GSTO2: variants seen among roughly 807,000 people sequenced by gnomAD.
GSTO2 encodes glutathione S-transferase omega-2.
GSTO2 carries 23 observed loss-of-function variants against 28.4 expected under a neutral mutation model. The observed-to-expected ratio is 0.81, with a 90% CI of 0.58 to 1.15. GSTO2 has a LOEUF of 1.15. Ranked by LOEUF, GSTO2 falls within the 50% of genes most tolerant of loss-of-function variation. GSTO2 has a pLI of 0.00. For synonymous variants in GSTO2, 109 were observed against 111.0 expected (o/e 0.98, Z 0.11); for missense variants, 298 against 297.8 (o/e 1.00, Z 0.00).
intron 5 of GSTO2, chr10:104,295,237 C>T (rs1461269187): frequency 6.6e-6 from 1 of 152,190 alleles, no homozygotes; most frequent in Non-Finnish European, 1.5e-5. Context: ...CTATAAATAG[C>T]TTCTGTTTTG....
intron 6 of GSTO2, among the ~76,000 whole-genome samples, chr10:104,297,914 C>G (rs751183820): frequency 6.6e-6 from 1 of 152,170 alleles, no homozygotes; most frequent in Admixed American, 6.5e-5. Context: ...GCCCAGGAGC[C>G]TCCCGCAGAC....
intron 5 of GSTO2, chr10:104,291,759 G>A (rs1253563353): frequency 6.6e-6 from 1 of 152,154 alleles, no homozygotes; most frequent in African/African-American, 2.4e-5. Context: ...CATTTGCATC[G>A]CGTCCGTAGT....
chr10:104,290,914 G>A (rs1387341006), intron 5 of GSTO2, among the ~76,000 whole-genome samples: 1 of 152,184 alleles, frequency 6.6e-6, no homozygotes, highest in Non-Finnish European at 1.5e-5. Context: ...GTTTGTAATT[G>A]AAAGGATAAA....
At chr10:104,274,247 A>G (rs1589855212) in intron 1 of GSTO2, among the ~76,000 whole-genome samples, 2 of 152,262 alleles carry the variant, frequency 1.3e-5, no homozygotes, top group East Asian at 3.9e-4. Flanking sequence ...CTTGGGTAAA[A>G]TCTCACAAGT....
Position 104,277,950 on chromosome 10 carries a change from A to T in GSTO2, c.200A>T (p.His67Leu). ...RNKPEWYYTK[H>L]PFGHIPVLET... ...AAGCCTGAATGGTACTATACAAAGC[A>T]CCCTTTTGGCCACATTCCTGTCCTG... The change falls in exon 4 of 7, where the codon CAC becomes CTC. Residue 67 changes from histidine (H) to leucine (L), a missense_variant. Coordinates refer to ENST00000338595, the MANE Select transcript of GSTO2 (RefSeq NM_183239.2). 1 of 1,614,028 alleles carries T rather than the reference A, an allele frequency of 6.2e-7. No individual in the cohort carries two copies. Among genetic ancestry groups the T allele is most frequent in the Non-Finnish European group, 8.5e-7 (1 of 1,179,970 alleles).
chr10:104,282,250 A>T (rs1471255183), intron 5 of GSTO2, among the ~76,000 whole-genome samples: 1 of 150,530 alleles, frequency 6.6e-6, no homozygotes, highest in African/African-American at 2.4e-5. Context: ...AAAAGAAAAG[A>T]AAAGAAAAAG....
intron 1 of GSTO2, among the ~76,000 whole-genome samples, chr10:104,274,086 A>T (rs637008): frequency 0.012 from 1,858 of 152,362 alleles, 27 homozygotes; most frequent in African/African-American, 0.043. Flanking sequence ...AAAGCTGTGC[A>T]AGTCGCCCCT....
intron 2 of GSTO2, 78 bp downstream of exon 2, chr10:104,275,027 C>T: frequency 6.5e-7 from 1 of 1,538,546 alleles, no homozygotes; most frequent in South Asian, 1.2e-5. Context: ...GCTGCCTGGC[C>T]TTGGCCTGCA....
chr10:104,290,879 ATAACT>A (rs916033717), intron 5 of GSTO2, among the ~76,000 whole-genome samples: 45 of 152,356 alleles, frequency 3.0e-4, no homozygotes, highest in African/African-American at 1.0e-3. Context: ...ACATTTAAAA[ATAACT>A]TAAACAGTGT....
chr10:104,304,242 G>C lies in GSTO2; in HGVS notation c.*4958G>C, dbSNP rs375300665. ...ATCTTCTTCTTTGAGTGCCTGGAAG[G>C]CTGAACATTTGATCTTTTCAAACAT... On this transcript the variant is annotated 3_prime_UTR_variant, in exon 7 of 7. Transcript: ENST00000338595. 6.6e-6 allele frequency: 1 copy of C among 152,228 alleles called. No homozygotes were observed. Among genetic ancestry groups the C allele is most frequent in the Non-Finnish European group, 1.5e-5 (1 of 68,068 alleles). 9.4% of individuals were successfully genotyped at this position (152,228 alleles called of 1,614,324 possible). A position where few individuals can be genotyped will look rare whatever the true frequency, so the allele number is the denominator to read the frequency against.
chr10:104,276,558 A>G (rs2011642669), intron 3 of GSTO2, among the ~76,000 whole-genome samples: 1 of 152,196 alleles, frequency 6.6e-6, no homozygotes. Context: ...TTCAGTTGTG[A>G]CAACAAAACC....
chr10:104,280,233 A>G (rs2011952778), intron 5 of GSTO2, among the ~76,000 whole-genome samples: 1 of 149,186 alleles, frequency 6.7e-6, no homozygotes, highest in Admixed American at 6.7e-5. Context: ...TGGCTTCTTC[A>G]TGACATTATC....
At position 104,300,577 on chromosome 10, in the gene GSTO2, C is replaced by T. The variant is rs1040015526; in HGVS notation, c.*1293C>T. 6.6e-6 allele frequency: 1 copy of T among 152,334 alleles called. No individual in the cohort carries two copies. Among genetic ancestry groups the T allele is most frequent in the Non-Finnish European group, 1.5e-5 (1 of 68,122 alleles). 9.4% of individuals were successfully genotyped at this position (152,334 alleles called of 1,614,324 possible). On this transcript the variant is annotated 3_prime_UTR_variant, in exon 7 of 7. Coordinates refer to ENST00000338595, the MANE Select transcript of GSTO2 (RefSeq NM_183239.2). ...CCACCCCACTGAAGACAGCAAAGAG[C>T]TGAGGATGGCTGGTGCCAACAGGTC...
rs1287156782 is a variant in GSTO2 at position 104,302,758 on chromosome 10, G to A, written c.*3474G>A. The A allele has an allele frequency of 6.6e-6, 1 of 152,140 alleles. No individual in the cohort carries two copies. Among genetic ancestry groups the A allele is most frequent in the African/African-American group, 2.4e-5 (1 of 41,416 alleles). 9.4% of individuals were successfully genotyped at this position (152,140 alleles called of 1,614,324 possible). A position where few individuals can be genotyped will look rare whatever the true frequency, so the allele number is the denominator to read the frequency against. On this transcript the variant is annotated 3_prime_UTR_variant, in exon 7 of 7. Transcript: ENST00000338595. The stretch of plus-strand genomic sequence containing the variant: ...CATGATAGTGAGTGAGTTCTCATGA[G>A]TTCTGGTTGTTTAAAAGTGTGCAGC...
intron 5 of GSTO2, 97 bp downstream of exon 5, chr10:104,279,568 TC>T: frequency 1.3e-6 from 1 of 748,626 alleles, no homozygotes; most frequent in Non-Finnish European, 2.3e-6. Flanking sequence ...ACAGGCTTAT[TC>T]TTTCTGCCTT....
intron 3 of GSTO2, among the ~76,000 whole-genome samples, chr10:104,276,219 G>A (rs1369179601): frequency 6.6e-6 from 1 of 152,214 alleles, no homozygotes; most frequent in Non-Finnish European, 1.5e-5. Context: ...ATAAAATTAT[G>A]TAAATCTGCC....
chr10:104,284,149 C>G (rs1189333210), intron 5 of GSTO2, among the ~76,000 whole-genome samples: 1 of 151,834 alleles, frequency 6.6e-6, no homozygotes, highest in Non-Finnish European at 1.5e-5. Context: ...CATTTTAATC[C>G]AGGAGTCCGA....
intron 5 of GSTO2, among the ~76,000 whole-genome samples, chr10:104,281,925 G>A (rs1209898250): frequency 6.6e-6 from 1 of 152,072 alleles, no homozygotes; most frequent in Non-Finnish European, 1.5e-5. Context: ...TGAGAGCCTG[G>A]TGTGTTCGGC....
At chr10:104,284,752 TC>T (rs1270973487) in intron 5 of GSTO2, among the ~76,000 whole-genome samples, 2 of 152,196 alleles carry the variant, frequency 1.3e-5, no homozygotes, top group Non-Finnish European at 2.9e-5. Flanking sequence ...ATCTGTGCCT[TC>T]CAAAAATATT....
Sources: allele counts gnomAD v4.1 joint callset (sites outside exome capture counted in the v4.1 genomes callset), GRCh38; gene constraint gnomAD v4.1.1; transcripts MANE v1.5; gene names NCBI Gene and HGNC (gene_info 2026-07-23, HGNC 2026-07-21).